The following TPD52L1 variants were observed in gnomAD, a reference collection of about 807,000 sequenced individuals.
The protein encoded by TPD52L1 is tumor protein D53.
TPD52L1 carries 18 observed loss-of-function variants against 28.7 expected under a neutral mutation model. The ratio of observed to expected loss-of-function variants is 0.63; its 90% CI spans 0.43 to 0.93. The LOEUF is 0.93. Among genes scored for constraint, TPD52L1 ranks in the 40% least tolerant of loss-of-function variants. The pLI is 0.00. For synonymous variants in TPD52L1, 75 were observed against 88.8 expected (o/e 0.84, Z 0.88); for missense variants, 203 against 254.8 (o/e 0.80, Z 1.39).
chr6:125,163,648 G>A lies in TPD52L1; in HGVS notation c.19+9678G>A, dbSNP rs116079835. 5.6e-3 allele frequency among the ~76,000 whole-genome samples: 851 copies of A among 151,054 alleles called. 9 individuals carry two copies. The highest frequency in any genetic ancestry group is 0.019 in the African/African-American group (802 of 41,246). On this transcript the variant is annotated intron_variant, in intron 1 of 6. Coordinates refer to ENST00000534000, the MANE Select transcript of TPD52L1 (RefSeq NM_003287.4). ...TGTTATTTAATAAGTACAACAGGCC[G>A]GGCGTGGTGGCTTATACCTGTAATC...
intron 1 of TPD52L1, among the ~76,000 whole-genome samples, chr6:125,197,687 G>A (rs1465199115): frequency 1.3e-5 from 2 of 152,124 alleles, no homozygotes; most frequent in African/African-American, 4.8e-5. Flanking sequence ...ATACAAACAT[G>A]TTATTTATAA....
At chr6:125,249,759 C>T (rs1797153883) in intron 4 of TPD52L1, among the ~76,000 whole-genome samples, 1 of 150,182 alleles carries the variant, frequency 6.7e-6, no homozygotes, top group Admixed American at 6.6e-5. Flanking sequence ...TAACTTTACA[C>T]TTATAGATAC....
intron 1 of TPD52L1, among the ~76,000 whole-genome samples, chr6:125,210,929 C>G (rs1794449327): frequency 6.6e-6 from 1 of 152,160 alleles, no homozygotes; most frequent in African/African-American, 2.4e-5. Flanking sequence ...TTGGTTTGTT[C>G]CCCAAAGTTA....
intron 1 of TPD52L1, among the ~76,000 whole-genome samples, chr6:125,170,143 G>A (rs543677248): frequency 3.3e-5 from 5 of 152,124 alleles, no homozygotes; most frequent in African/African-American, 7.2e-5. Context: ...TGCACAACAC[G>A]TATTCTGATC....
chr6:125,220,004 C>G, intron 1 of TPD52L1, 74 bp from the exon 2 acceptor site: 3 of 1,079,516 alleles, frequency 2.8e-6, no homozygotes, highest in Non-Finnish European at 4.3e-6. Context: ...ATCTAGTCCT[C>G]CACACTATGG....
At chr6:125,202,203 T>C (rs1190679321) in intron 1 of TPD52L1, among the ~76,000 whole-genome samples, 1 of 152,176 alleles carries the variant, frequency 6.6e-6, no homozygotes, top group Non-Finnish European at 1.5e-5. Context: ...AAGTCTTTCT[T>C]ACTATCTATC....
chr6:125,188,515 T>A (rs1015069194), intron 1 of TPD52L1, among the ~76,000 whole-genome samples: 1 of 152,162 alleles, frequency 6.6e-6, no homozygotes, highest in South Asian at 2.1e-4. Flanking sequence ...GGGTAACAAA[T>A]ACATTTTATA....
chr6:125,196,249 A>C (rs1359919114), intron 1 of TPD52L1, among the ~76,000 whole-genome samples: 1 of 152,196 alleles, frequency 6.6e-6, no homozygotes, highest in Non-Finnish European at 1.5e-5. Flanking sequence ...AAAATTGTTT[A>C]TATTTTCTTT....
intron 1 of TPD52L1, among the ~76,000 whole-genome samples, chr6:125,162,448 A>T (rs1484904336): frequency 6.6e-6 from 1 of 152,188 alleles, no homozygotes; most frequent in Non-Finnish European, 1.5e-5. Context: ...AAGATGTGCT[A>T]CTTAGTAATT....
intron 4 of TPD52L1, chr6:125,253,415 A>G (rs1043872310): frequency 2.4e-6 from 1 of 413,104 alleles, no homozygotes; most frequent in Non-Finnish European, 4.4e-6. Context: ...GAAGATGCCC[A>G]TGGGCTACTG....
intron 4 of TPD52L1, 147 bp downstream of exon 4, chr6:125,248,530 A>G (rs1191191034): frequency 1.6e-6 from 1 of 626,438 alleles, no homozygotes; most frequent in East Asian, 2.8e-5. Flanking sequence ...ATTGATGACT[A>G]AGATAAATTT....
rs143376714 is a variant in TPD52L1 at position 125,163,942 on chromosome 6, GA to G, written c.19+9979del. Among the ~76,000 whole-genome samples the G allele has an allele frequency of 6.8e-4, 100 of 147,354 alleles. 1 individual carries two copies. Among genetic ancestry groups the G allele is most frequent in the Non-Finnish European group, 8.2e-4 (55 of 66,702 alleles). ...AAAAAAAAAAAAAAAGAAAACAAAA[GA>G]AAAAAACCAATAATAATAACAAACT... On this transcript the variant is annotated intron_variant, in intron 1 of 6. Coordinates refer to ENST00000534000, the MANE Select transcript of TPD52L1 (RefSeq NM_003287.4).
At chr6:125,210,680 A>G (rs1794437004) in intron 1 of TPD52L1, among the ~76,000 whole-genome samples, 1 of 152,208 alleles carries the variant, frequency 6.6e-6, no homozygotes, top group Admixed American at 6.5e-5. Flanking sequence ...ATAGGGCTTC[A>G]ATTTTATAAA....
chr6:125,223,266 A>G (rs1392973882), intron 2 of TPD52L1, among the ~76,000 whole-genome samples: 1 of 152,142 alleles, frequency 6.6e-6, no homozygotes, highest in African/African-American at 2.4e-5. Flanking sequence ...ACTTCAACCA[A>G]TCTCATAACC....
Position 125,239,034 on chromosome 6 carries a change from G to A in TPD52L1, c.285-9248G>A, listed in dbSNP as rs1409195297. Among the ~76,000 whole-genome samples the A allele has an allele frequency of 2.6e-5, 4 of 152,204 alleles. No individual in the cohort carries two copies. The East Asian group carries it at 7.7e-4, about 29-fold the overall frequency. On this transcript the variant is annotated intron_variant, in intron 3 of 6. Coordinates refer to ENST00000534000, the MANE Select transcript of TPD52L1 (RefSeq NM_003287.4). ...GGATTGAATAGTAGTTATGCTTCTA[G>A]TTCTTTAAGGACTCTTCATACTGTT...
intron 4 of TPD52L1, chr6:125,253,290 T>A (rs1797389731): frequency 5.6e-6 from 1 of 178,434 alleles, no homozygotes; most frequent in South Asian, 1.4e-4. Flanking sequence ...CTGGCCAGTT[T>A]CTCTACCATG....
At chr6:125,172,429 A>G (rs1316104785) in intron 1 of TPD52L1, among the ~76,000 whole-genome samples, 2 of 133,666 alleles carry the variant, frequency 1.5e-5, no homozygotes, top group African/African-American at 2.8e-5. Context: ...TTGGGATTAT[A>G]GGCATTAGCC....
At chr6:125,157,156 A>G (rs779416530) in intron 1 of TPD52L1, among the ~76,000 whole-genome samples, 1 of 152,188 alleles carries the variant, frequency 6.6e-6, no homozygotes, top group Non-Finnish European at 1.5e-5. Flanking sequence ...TTTTAGAATT[A>G]CCTAGAGTGG....
intron 6 of TPD52L1, among the ~76,000 whole-genome samples, chr6:125,258,582 TAGA>T (rs1326376541): frequency 6.6e-6 from 1 of 152,180 alleles, no homozygotes; most frequent in Admixed American, 6.5e-5. Context: ...AGGTTTTCTT[TAGA>T]AGAAGGAGAT....
Sources: allele counts gnomAD v4.1 joint callset (sites outside exome capture counted in the v4.1 genomes callset), GRCh38; gene constraint gnomAD v4.1.1; transcripts MANE v1.5; gene names NCBI Gene and HGNC (gene_info 2026-07-23, HGNC 2026-07-21).